Variants in ARVCF observed in about 807,000 individuals in gnomAD.
ARVCF encodes splicing regulator ARVCF.
Under a neutral mutation model 90.9 loss-of-function variants are expected in ARVCF, and 66 were observed. That is an observed-to-expected ratio of 0.73 (90% CI 0.60 to 0.89). The LOEUF is 0.89. Among genes scored for constraint, ARVCF ranks in the 40% least tolerant of loss-of-function variants. The pLI is 0.00. For synonymous variants in ARVCF, 653 were observed against 603.4 expected (o/e 1.08, Z -1.21); for missense variants, 1,469 against 1,382.3 (o/e 1.06, Z -1.00).
chr22:19,969,853 A>C (rs1942645781), downstream of ARVCF: 1 of 985,410 alleles, frequency 1.0e-6, no homozygotes, highest in South Asian at 4.7e-5. Context: ...ACAAGGGAGA[A>C]GCCAGCCACT....
Position 20,016,709 on chromosome 22 carries a change from T to C in ARVCF, c.-193A>G, listed in dbSNP as rs1304225985. The C allele has an allele frequency of 6.7e-6, 1 of 150,034 alleles. No homozygotes were observed. Among genetic ancestry groups the C allele is most frequent in the Non-Finnish European group, 1.5e-5 (1 of 67,490 alleles). The allele number at this position is 150,034 out of a possible 1,614,324, so 9.3% of individuals were successfully genotyped here. On this transcript the variant is annotated 5_prime_UTR_variant, in exon 1 of 20. Transcript: ENST00000263207. ...GCGGCGCGGTGCGGCGCGGCGCGGG[T>C]CGCAGTCCACGCGGCCGCAACTCGG...
intron 2 of ARVCF, among the ~76,000 whole-genome samples, chr22:19,998,130 CT>C (rs1944320393): frequency 6.6e-6 from 1 of 152,258 alleles, no homozygotes; most frequent in Admixed American, 6.5e-5. Flanking sequence ...CACTGAGGCA[CT>C]GTAGGAGACA....
chr22:20,010,448 C>T lies in ARVCF; in HGVS notation c.-19+7G>A, dbSNP rs567223088. The T allele has an allele frequency of 5.9e-5, 9 of 152,482 alleles. No homozygotes were observed. The highest frequency in any genetic ancestry group is 1.7e-4 in the African/African-American group (7 of 41,572). The allele number at this position is 152,482 out of a possible 1,614,324, so 9.4% of individuals were successfully genotyped here. A position where few individuals can be genotyped will look rare whatever the true frequency, so the allele number is the denominator to read the frequency against. On this transcript the variant is annotated splice_region_variant and intron_variant, in intron 2 of 19. Coordinates refer to ENST00000263207, the MANE Select transcript of ARVCF (RefSeq NM_001670.3). ...GGATGTCCCCAAGCTAAACCCAGGC[C>T]ACTCACCTGTCTTGAGGGAAGATCA...
At chr22:19,967,355 G>A (rs546104104), downstream of ARVCF, 55 of 554,316 alleles carry the variant, frequency 9.9e-5, no homozygotes, top group Non-Finnish European at 1.7e-4. Context: ...CCCGGGTGGC[G>A]CTTTGTTCTA....
chr22:19,973,096 C>A (rs753160303), intron 14 of ARVCF, 23 bp downstream of exon 14: 190 of 1,597,734 alleles, frequency 1.2e-4, no homozygotes, highest in Non-Finnish European at 1.5e-4. Flanking sequence ...GCTCCCCAAG[C>A]CACCGACCCC....
intron 1 of ARVCF, among the ~76,000 whole-genome samples, chr22:20,014,857 T>C (rs1356352726): frequency 6.6e-6 from 1 of 152,116 alleles, no homozygotes; most frequent in East Asian, 1.9e-4. Context: ...GCCAGACTCC[T>C]GGGGTGAAGG....
At chr22:20,003,240 C>T (rs1379374970) in intron 2 of ARVCF, among the ~76,000 whole-genome samples, 2 of 152,130 alleles carry the variant, frequency 1.3e-5, no homozygotes, top group African/African-American at 4.8e-5. Flanking sequence ...TAATCAAAAA[C>T]CTCCAGCAAA....
intron 2 of ARVCF, among the ~76,000 whole-genome samples, chr22:20,006,688 G>A (rs1017085693): frequency 6.6e-6 from 1 of 151,304 alleles, no homozygotes; most frequent in Non-Finnish European, 1.5e-5. Flanking sequence ...CTAGAGTGCA[G>A]TGGCGCGATC....
intron 3 of ARVCF, among the ~76,000 whole-genome samples, chr22:19,989,378 C>G (rs905397352): frequency 1.3e-5 from 2 of 152,160 alleles, no homozygotes; most frequent in African/African-American, 4.8e-5. Flanking sequence ...AAGCATGACG[C>G]CTGCTGGCCG....
chr22:19,975,714 G>A lies in ARVCF; in HGVS notation c.1932C>T (p.Asp644=), dbSNP rs1303367362. Residue 644 remains aspartate, a synonymous_variant, in exon 11 of 20, where the codon GAC becomes GAT. Transcript: ENST00000263207. ...GEMDRNFDTL[D]LPKRTEAAKG... ...TGGCGGCCTCAGTTCGCTTGGGCAG[G>A]TCTAGCGTGTCAAAGTTCCGGTCCA... 4 of 1,613,550 alleles carry A rather than the reference G, an allele frequency of 2.5e-6. No homozygotes were observed. Among genetic ancestry groups the A allele is most frequent in the Middle Eastern group, 1.6e-4 (1 of 6,082 alleles).
chr22:19,967,208 C>T (rs1942450156), downstream of ARVCF: 3 of 1,304,816 alleles, frequency 2.3e-6, no homozygotes, highest in Non-Finnish European at 3.0e-6. Context: ...TCTTCTGTAT[C>T]CCTGATGACC....
intron 3 of ARVCF, among the ~76,000 whole-genome samples, chr22:19,984,118 T>G (rs1200132263): frequency 6.6e-6 from 1 of 152,208 alleles, no homozygotes; most frequent in East Asian, 1.9e-4. Context: ...AAAGCAAGAC[T>G]GAGGAAACGT....
chr22:20,014,077 T>A (rs144217522), intron 1 of ARVCF, among the ~76,000 whole-genome samples: 1,786 of 152,256 alleles, frequency 0.012, 42 homozygotes, highest in African/African-American at 0.041. Flanking sequence ...GGTTTCACCA[T>A]GTTGGCCAGG....
intron 2 of ARVCF, among the ~76,000 whole-genome samples, chr22:19,999,289 G>C (rs1044487377): frequency 4.6e-5 from 7 of 151,956 alleles, no homozygotes; most frequent in African/African-American, 1.7e-4. Context: ...CAGCAGCTTT[G>C]CTAACTAAGC....
At chr22:19,969,401 C>T (rs1942614310), downstream of ARVCF, 1 of 152,740 alleles carries the variant, frequency 6.5e-6, no homozygotes, top group Admixed American at 6.5e-5. Context: ...CTACTCCCCA[C>T]TGGGCCTTGC....
chr22:19,979,303 C>T, intron 6 of ARVCF: 1 of 583,508 alleles, frequency 1.7e-6, no homozygotes, highest in East Asian at 2.9e-5. Context: ...TGTGGCAGTG[C>T]TGTCCCGTCC....
rs775821127 is a variant in ARVCF at position 19,971,841 on chromosome 22, A to C, written c.2781+45T>G. 861 of 1,599,424 alleles carry C rather than the reference A, an allele frequency of 5.4e-4. 1 individual carries two copies. Among genetic ancestry groups the C allele is most frequent in the Non-Finnish European group, 6.9e-4 (805 of 1,168,060 alleles). ...GGCTGCTCTCCAGCAACCCCTAGAC[A>C]CGGGGCCTCACCGGGGACCTGCCCA... On this transcript the variant is annotated intron_variant, in intron 18 of 19. Coordinates refer to ENST00000263207, the MANE Select transcript of ARVCF (RefSeq NM_001670.3).
chr22:20,011,029 G>A (rs1342250940), intron 1 of ARVCF, among the ~76,000 whole-genome samples: 4 of 152,264 alleles, frequency 2.6e-5, no homozygotes, highest in Admixed American at 6.5e-5. Context: ...CTCCAGTACA[G>A]GGAGGGCGGG....
At chr22:20,011,408 T>C (rs565089213) in intron 1 of ARVCF, among the ~76,000 whole-genome samples, 35 of 152,154 alleles carry the variant, frequency 2.3e-4, no homozygotes, top group African/African-American at 8.0e-4. Context: ...GCCTCTACGG[T>C]GTTTTCTAGA....
Sources: allele counts gnomAD v4.1 joint callset (sites outside exome capture counted in the v4.1 genomes callset), GRCh38; gene constraint gnomAD v4.1.1; transcripts MANE v1.5; gene names NCBI Gene and HGNC (gene_info 2026-07-23, HGNC 2026-07-21).